MACF1: variants seen among roughly 807,000 people sequenced by gnomAD.
MACF1 encodes the protein microtubule actin crosslinking factor 1.
Under a neutral mutation model 854.8 loss-of-function variants are expected in MACF1, and 193 were observed. The ratio of observed to expected loss-of-function variants is 0.23; its 90% CI spans 0.20 to 0.25. The LOEUF (loss-of-function observed/expected upper bound fraction) is 0.25. Among genes scored for constraint, MACF1 ranks in the 10% least tolerant of loss-of-function variants. The pLI is 1.00. For missense variants in MACF1, 7,722 were observed against 8,929.1 expected (o/e 0.86, Z 5.45); for synonymous variants, 3,185 against 3,226.7 (o/e 0.99, Z 0.44).
At chr1:39,459,482 A>G (rs867238286) in intron 91 of MACF1, among the ~76,000 whole-genome samples, 3 of 152,206 alleles carry the variant, frequency 2.0e-5, no homozygotes, top group African/African-American at 7.2e-5. Context: ...GTGGAAAGCA[A>G]GAAAACAGCC....
rs1238602557 is a variant in MACF1, at chr1:39,350,849, G to A, written c.11030G>A (p.Gly3677Glu). 6.2e-7 allele frequency: 1 copy of A among 1,614,020 alleles called. No individual in the cohort carries two copies. The highest frequency in any genetic ancestry group is 2.2e-5 in the East Asian group (1 of 44,862). ...GCCACTGTTGTCAAGGACATTGAGG[G>A]GTTCATGGAAGAGAATCAGACCAAG... ...SFATVVKDIE[G>E]FMEENQTKLS... The change falls in exon 43 of 101, where the codon GGG becomes GAG. Residue 3677 changes from glycine (G) to glutamate (E), a missense_variant. Transcript: ENST00000564288.
chr1:39,404,095 T>C (rs1642591946), intron 58 of MACF1, among the ~76,000 whole-genome samples: 1 of 151,022 alleles, frequency 6.6e-6, no homozygotes, highest in Non-Finnish European at 1.5e-5. Flanking sequence ...GCCACTGCAT[T>C]CCAGCCTGGC....
At chr1:39,102,705 G>A (rs1403827411) in intron 2 of MACF1, 1 of 697,394 alleles carries the variant, frequency 1.4e-6, no homozygotes. Context: ...TCCACTAGAT[G>A]CCCTTCCGAG....
chr1:39,174,582 G>A (rs1400424472), intron 2 of MACF1, among the ~76,000 whole-genome samples: 4 of 152,094 alleles, frequency 2.6e-5, no homozygotes, highest in Admixed American at 2.0e-4. Flanking sequence ...CTGTGTGGAC[G>A]CATCATAGAG....
chr1:39,363,868 T>C (rs891358150), intron 49 of MACF1, among the ~76,000 whole-genome samples: 3 of 152,156 alleles, frequency 2.0e-5, no homozygotes, highest in African/African-American at 7.2e-5. Flanking sequence ...CGCCTCGGCC[T>C]CCCAAAGTGC....
chr1:39,442,068 A>G lies in MACF1; in HGVS notation c.18774+15A>G, dbSNP rs1190611690. 1.2e-6 allele frequency: 2 copies of G among 1,600,872 alleles called. No individual in the cohort carries two copies. The highest frequency in any genetic ancestry group is 1.7e-4 in the Middle Eastern group (1 of 6,034). On this transcript the variant is annotated intron_variant, in intron 75 of 100. Coordinates refer to ENST00000564288, the MANE Select transcript of MACF1 (RefSeq NM_001394062.1). ...ATGAAATGAAGGTTTGTATCTGGGT[A>G]TGGCTTTTGAAGAAGAATTGTTTTA...
At chr1:39,106,646 C>G (rs1157648876) in intron 2 of MACF1, among the ~76,000 whole-genome samples, 1 of 152,102 alleles carries the variant, frequency 6.6e-6, no homozygotes, top group African/African-American at 2.4e-5. Context: ...CCATTTTATT[C>G]AGCTCGGGCC....
chr1:39,262,691 GA>G (rs1474140567), intron 6 of MACF1, among the ~76,000 whole-genome samples: 1 of 152,168 alleles, frequency 6.6e-6, no homozygotes, highest in Non-Finnish European at 1.5e-5. Context: ...CAATTTTACA[GA>G]AAGGTAATAG....
intron 2 of MACF1, among the ~76,000 whole-genome samples, chr1:39,117,378 C>T (rs1175219665): frequency 2.0e-5 from 3 of 152,106 alleles, no homozygotes; most frequent in Non-Finnish European, 4.4e-5. Flanking sequence ...TTGTTTTGCG[C>T]TCCTTGTTTT....
Position 39,331,647 on chromosome 1 carries a change from T to G in MACF1, c.5059T>G (p.Ser1687Ala). Residue 1687 changes from serine to alanine, a missense_variant, in exon 37 of 101, where the codon TCA (serine) becomes GCA (alanine). Physicochemically the swap from Ser to Ala is moderately conservative, Grantham distance 99. This residue lies in a region of MACF1 where 1,531 missense variants were observed against 1,601.6 expected (regional missense o/e 0.96). Coordinates refer to ENST00000564288, the MANE Select transcript of MACF1 (RefSeq NM_001394062.1). Reference sequence around the variant, plus strand: ...AGGCCTCATTTCTGCATGGCTTCATTCAGTATTAGAGTCTTATCTTAGAAC... The same window carrying G: ...AGGCCTCATTTCTGCATGGCTTCATGCAGTATTAGAGTCTTATCTTAGAAC... ...HQGLISAWLH[S>A]VLESYLRTSK... 6.2e-7 allele frequency: 1 copy of G among 1,614,190 alleles called. No individual in the cohort carries two copies. Among genetic ancestry groups the G allele is most frequent in the Non-Finnish European group, 8.5e-7 (1 of 1,180,024 alleles).
At chr1:39,125,884 T>A (rs1642847340) in intron 2 of MACF1, among the ~76,000 whole-genome samples, 2 of 152,148 alleles carry the variant, frequency 1.3e-5, no homozygotes, top group Admixed American at 1.3e-4. Flanking sequence ...TCCCAGCTAC[T>A]TGGAAGGCTG....
At chr1:39,135,834 T>A (rs1643153097) in intron 2 of MACF1, among the ~76,000 whole-genome samples, 2 of 152,174 alleles carry the variant, frequency 1.3e-5, no homozygotes, top group Admixed American at 1.3e-4. Context: ...CTTCTCTCCC[T>A]CTCTCCTTTG....
chr1:39,331,762 T>G lies in MACF1; in HGVS notation c.5174T>G (p.Phe1725Cys), dbSNP rs1646730451. The change falls in exon 37 of 101, where the codon TTC becomes TGC. Residue 1725 changes from phenylalanine to cysteine, a missense_variant. Phe to Cys is a radical substitution (Grantham distance 205). This residue lies in a region of MACF1 where 1,531 missense variants were observed against 1,601.6 expected (regional missense o/e 0.96). Coordinates refer to ENST00000564288, the MANE Select transcript of MACF1 (RefSeq NM_001394062.1). ...TGTATTGTCCACCAGGAATCAGGATTCAAATTACTGCCTGTCAAACAATTG... is the reference window on the plus strand; with the variant it reads ...TGTATTGTCCACCAGGAATCAGGATGCAAATTACTGCCTGTCAAACAATTG... ...QRCIVHQESGFKLLPVKQLAG... is the reference protein window; with the variant it reads ...QRCIVHQESGCKLLPVKQLAG... The G allele has an allele frequency of 6.2e-7, 1 of 1,614,014 alleles. No homozygotes were observed.
rs1048604120 is a variant in MACF1, at chr1:39,310,256, A to G, written c.2928A>G (p.Ser976=). 6.2e-7 allele frequency: 1 copy of G among 1,609,374 alleles called. No homozygotes were observed. Among genetic ancestry groups the G allele is most frequent in the Non-Finnish European group, 8.5e-7 (1 of 1,178,574 alleles). The part of the protein sequence containing the change: ...QTWNLEKLRS[S]APGECHQIMK... ...CTTTTTCTTTCTAGCTTCGATCCTC[A>G]GCACCAGGGGAGTGCCATCAGATTA... Residue 976 remains serine (S), a synonymous_variant, in exon 25 of 101, where the codon TCA becomes TCG. Transcript: ENST00000564288.
At chr1:39,240,734 G>A (rs1258098626) in intron 2 of MACF1, among the ~76,000 whole-genome samples, 1 of 152,130 alleles carries the variant, frequency 6.6e-6, no homozygotes, top group East Asian at 1.9e-4. Context: ...TCTGATCTCA[G>A]GTGATCTGCC....
chr1:39,220,832 A>G (rs931357969), intron 1 of MACF1, among the ~76,000 whole-genome samples: 3 of 152,194 alleles, frequency 2.0e-5, no homozygotes, highest in Non-Finnish European at 4.4e-5. Context: ...AAAGAGCTCA[A>G]TTCAGATACA....
rs532009757 is a variant in MACF1 at position 39,433,317 on chromosome 1, C to T, written c.17565+162C>T. Among the ~76,000 whole-genome samples the T allele has an allele frequency of 5.3e-5, 8 of 152,250 alleles. No homozygotes were observed. The South Asian group carries it at 1.7e-3, about 32-fold the overall frequency. On this transcript the variant is annotated intron_variant, in intron 68 of 100. Coordinates refer to ENST00000564288, the MANE Select transcript of MACF1 (RefSeq NM_001394062.1). ...GTTCTGGGGAATTCAGAATCTTAAC[C>T]CTGTGTCCACAAATGTTTAAAACAG...
Position 39,105,539 on chromosome 1 carries a change from T to C in MACF1, c.220+21101T>C, listed in dbSNP as rs13374459. On this transcript the variant is annotated intron_variant, in intron 2 of 93. Transcript: ENST00000361689. The surrounding 1 kb of genome is among the most constrained non-coding windows in gnomAD (Gnocchi z 5.9). ...CGCCGTCTCTGAGACGCACAAAGGG[T>C]CGAGGCTGGGGCCGCCGCCGCCTCA... 0.41 allele frequency: 427,385 copies of C among 1,051,038 alleles called. 88,832 individuals carry two copies. Among genetic ancestry groups the C allele is most frequent in the African/African-American group, 0.53 (30,380 of 57,610 alleles). The allele number at this position is 1,051,038 out of a possible 1,614,324, so 65.1% of individuals were successfully genotyped here.
chr1:39,474,408 A>G (rs1229222656), intron 97 of MACF1, among the ~76,000 whole-genome samples: 1 of 151,474 alleles, frequency 6.6e-6, no homozygotes. Flanking sequence ...TAATAAATAA[A>G]TATATGGCCA....
Sources: gnomAD v4.1 joint callset for allele counts (sites outside exome capture counted in the v4.1 genomes callset) on GRCh38, gnomAD v4.1.1 for gene constraint, gnomAD v4.1.1 regional missense constraint, Gnocchi (gnomAD v3.1) non-coding constraint, MANE v1.5 for transcripts, NCBI Gene and HGNC (gene_info 2026-07-23, HGNC 2026-07-21) for gene names.